Variants in WDPCP observed in about 807,000 individuals in gnomAD.
WDPCP encodes WD repeat containing planar cell polarity effector.
Under a neutral mutation model 93.1 loss-of-function variants are expected in WDPCP, and 71 were observed. That is an observed-to-expected ratio of 0.76 (90% CI 0.63 to 0.93). The LOEUF is 0.93. Among genes scored for constraint, WDPCP ranks in the 40% least tolerant of loss-of-function variants. The pLI, the probability that WDPCP is intolerant of heterozygous loss-of-function variation, is 0.00. For missense variants in WDPCP, 844 were observed against 887.4 expected, an observed-to-expected ratio of 0.95 and a Z score of 0.62; for synonymous variants, 315 against 315.0, an observed-to-expected ratio of 1.00 and a Z score of 0.00.
At chr2:63,413,683 A>G (rs1008314765) in intron 9 of WDPCP, among the ~76,000 whole-genome samples, 2 of 152,168 alleles carry the variant, frequency 1.3e-5, no homozygotes, top group African/African-American at 2.4e-5. Context: ...CTGTAGTCCC[A>G]GCTACTCAGG....
chr2:63,344,883 T>C (rs889127524), intron 12 of WDPCP, among the ~76,000 whole-genome samples: 5 of 152,220 alleles, frequency 3.3e-5, no homozygotes, highest in Non-Finnish European at 7.3e-5. Flanking sequence ...TTATGGCCAC[T>C]ATCACACTGG....
intron 11 of WDPCP, 63 bp from the exon 12 acceptor site, chr2:63,378,572 C>G: frequency 6.2e-7 from 1 of 1,608,566 alleles, no homozygotes; most frequent in Non-Finnish European, 8.5e-7. Flanking sequence ...CAACAAAATA[C>G]TCATGTTTGC....
Position 63,575,467 on chromosome 2 carries a change from G to GTATATACAGTGTATGCACTGTATATA in WDPCP, c.75+12729_75+12730insTATATACAGTGCATACACTGTATATA, listed in dbSNP as rs1558832897. Among the ~76,000 whole-genome samples the GTATATACAGTGTATGCACTGTATATA allele has an allele frequency of 8.6e-3, 59 of 6,836 alleles. 6 individuals are homozygous for GTATATACAGTGTATGCACTGTATATA. The highest frequency in any genetic ancestry group is 0.014 in the East Asian group (1 of 72). The allele number at this position is 6,836 out of a possible 152,430, so 4.5% of individuals were successfully genotyped here. A position where few individuals can be genotyped will look rare whatever the true frequency, so the allele number is the denominator to read the frequency against. On this transcript the variant is annotated intron_variant, in intron 1 of 17. Coordinates refer to ENST00000272321, the MANE Select transcript of WDPCP (RefSeq NM_015910.7). ...TATACACTGTATATACAGTATATATGCAGTATATACAGTGTATATATAGTA... is the reference window on the plus strand; with the variant it reads ...TATACACTGTATATACAGTATATATGTATATACAGTGTATGCACTGTATATACAGTATATACAGTGTATATATAGTA...
At chr2:63,623,043 A>T (rs181652378) in intron 3 of WDPCP, among the ~76,000 whole-genome samples, 2 of 152,264 alleles carry the variant, frequency 1.3e-5, no homozygotes, top group Non-Finnish European at 2.9e-5. Context: ...CAACATTCTT[A>T]AAGAAAAGAA....
intron 14 of WDPCP, among the ~76,000 whole-genome samples, chr2:63,249,270 A>G (rs1680527367): frequency 6.6e-6 from 1 of 152,040 alleles, no homozygotes; most frequent in Non-Finnish European, 1.5e-5. Context: ...ATGTGTGTTG[A>G]CTGGGCCTGT....
chr2:63,818,518 T>C (rs892533168), intron 1 of WDPCP, among the ~76,000 whole-genome samples: 4 of 152,164 alleles, frequency 2.6e-5, no homozygotes, highest in Admixed American at 2.0e-4. Flanking sequence ...AAACATATAC[T>C]GAATTCTTGA....
In WDPCP at chr2:63,675,111, C is replaced by T. The variant is rs140609754; in HGVS notation, n.309-24273G>A. Among the ~76,000 whole-genome samples, 367 of 152,226 alleles carry T rather than the reference C, an allele frequency of 2.4e-3. 1 individual carries two copies. The highest frequency in any genetic ancestry group is 8.2e-3 in the African/African-American group (342 of 41,540). ...TCCTTTTGTCCTCTGGTTCTCTCATCACTTTTTTTTAACCTCCGCTGGGAG... is the reference window on the plus strand; with the variant it reads ...TCCTTTTGTCCTCTGGTTCTCTCATTACTTTTTTTTAACCTCCGCTGGGAG... On this transcript the variant is annotated intron_variant and non_coding_transcript_variant, in intron 2 of 4. Coordinates refer to the WDPCP transcript ENST00000467687.
intron 6 of WDPCP, among the ~76,000 whole-genome samples, chr2:63,443,707 T>C (rs1697652804): frequency 6.6e-6 from 1 of 152,124 alleles, no homozygotes; most frequent in South Asian, 2.1e-4. Context: ...CACAAGCCTA[T>C]TGCAGTGGTT....
At chr2:63,395,712 T>C (rs539252778) in intron 10 of WDPCP, among the ~76,000 whole-genome samples, 1 of 152,234 alleles carries the variant, frequency 6.6e-6, no homozygotes, top group African/African-American at 2.4e-5. Flanking sequence ...GTATATACAT[T>C]TGTCAAAACT....
At chr2:63,361,084 A>G (rs1392299700) in intron 12 of WDPCP, among the ~76,000 whole-genome samples, 1 of 152,238 alleles carries the variant, frequency 6.6e-6, no homozygotes, top group Non-Finnish European at 1.5e-5. Context: ...GTGACAAGAT[A>G]AGATGGAAGA....
intron 7 of WDPCP, among the ~76,000 whole-genome samples, chr2:63,438,781 C>T (rs1036566382): frequency 3.3e-5 from 5 of 152,166 alleles, no homozygotes; most frequent in South Asian, 4.1e-4. Context: ...ACACAGCAGA[C>T]GGAAGATTTC....
At chr2:63,227,009 T>G (rs1175861843) in intron 14 of WDPCP, among the ~76,000 whole-genome samples, 1 of 151,906 alleles carries the variant, frequency 6.6e-6, no homozygotes, top group Non-Finnish European at 1.5e-5. Context: ...TCCAAACACT[T>G]CTTTTTTGAT....
At chr2:63,792,253 T>G (rs1326371640) in intron 2 of WDPCP, among the ~76,000 whole-genome samples, 1 of 152,070 alleles carries the variant, frequency 6.6e-6, no homozygotes, top group Non-Finnish European at 1.5e-5. Context: ...AAACTTACAA[T>G]CATGGCAGAA....
chr2:63,722,642 C>G (rs1292914833), intron 2 of WDPCP, among the ~76,000 whole-genome samples: 1 of 106,054 alleles, frequency 9.4e-6, no homozygotes, highest in Admixed American at 8.3e-5. Context: ...CCAGCCGCCC[C>G]GTCCGGGAGG....
chr2:63,418,382 A>G (rs1001959750), intron 9 of WDPCP, among the ~76,000 whole-genome samples: 6 of 152,210 alleles, frequency 3.9e-5, no homozygotes, highest in Non-Finnish European at 5.9e-5. Context: ...CACAAAGGAG[A>G]AAGAAGAATC....
chr2:63,293,544 G>A (rs1208903229), intron 13 of WDPCP, among the ~76,000 whole-genome samples: 1 of 151,592 alleles, frequency 6.6e-6, no homozygotes, highest in Non-Finnish European at 1.5e-5. Context: ...AACAGAAACT[G>A]TCCCTGAAAA....
At chr2:63,123,600 A>G (rs1669691922) in intron 17 of WDPCP, among the ~76,000 whole-genome samples, 1 of 152,132 alleles carries the variant, frequency 6.6e-6, no homozygotes, top group Admixed American at 6.5e-5. Context: ...GGCATTTCCA[A>G]GGTTTCCATT....
chr2:63,358,058 C>G (rs1242638157), intron 12 of WDPCP, among the ~76,000 whole-genome samples: 2 of 151,726 alleles, frequency 1.3e-5, no homozygotes, highest in African/African-American at 4.8e-5. Context: ...CTAAATGATA[C>G]AAACATATGA....
chr2:63,700,853 A>G (rs959019834), intron 2 of WDPCP, among the ~76,000 whole-genome samples: 1 of 152,210 alleles, frequency 6.6e-6, no homozygotes, highest in African/African-American at 2.4e-5. Context: ...ATCTCTCACT[A>G]TATGCAAAAA....
Sources: gnomAD v4.1 joint callset for allele counts (sites outside exome capture counted in the v4.1 genomes callset) on GRCh38, gnomAD v4.1.1 for gene constraint, MANE v1.5 for transcripts, NCBI Gene and HGNC (gene_info 2026-07-23, HGNC 2026-07-21) for gene names.